Variants in SRSF11 observed in about 807,000 individuals in gnomAD.
The protein encoded by SRSF11 is serine/arginine-rich splicing factor 11.
In SRSF11, 9 loss-of-function variants were observed where a neutral mutation model predicts 56.0. That is an observed-to-expected ratio of 0.16 (90% CI 0.10 to 0.28). SRSF11 has a LOEUF of 0.28. SRSF11 is among the 10% of genes least tolerant of loss of function. SRSF11 has a pLI of 1.00. For synonymous variants in SRSF11, 222 were observed against 215.3 expected (o/e 1.03, Z -0.27); for missense variants, 421 against 600.7 (o/e 0.70, Z 3.13).
chr1:70,212,296 G>A (rs563717518), intron 1 of SRSF11, among the ~76,000 whole-genome samples: 24 of 151,766 alleles, frequency 1.6e-4, no homozygotes, highest in South Asian at 8.4e-4. Context: ...TCACTCTGTC[G>A]CCCAGGCTGG....
chr1:70,213,365 A>C (rs1669738907), intron 1 of SRSF11, among the ~76,000 whole-genome samples: 1 of 152,260 alleles, frequency 6.6e-6, no homozygotes, highest in South Asian at 2.1e-4. Context: ...AATATTTAGC[A>C]TTAAACTTAT....
At chr1:70,234,591 T>C in intron 3 of SRSF11, 105 bp from the exon 4 acceptor site, 7 of 853,782 alleles carry the variant, frequency 8.2e-6, no homozygotes, top group Non-Finnish European at 1.3e-5. Context: ...CCATGTAGCC[T>C]GAAAACTCAA....
At chr1:70,231,733 C>T in intron 2 of SRSF11, 1 of 1,226,260 alleles carries the variant, frequency 8.2e-7, no homozygotes, top group South Asian at 1.5e-5. Context: ...ATACTTTCTT[C>T]TCTTAATTTT....
At chr1:70,234,846 A>G in intron 4 of SRSF11, 58 bp downstream of exon 4, 3 of 1,410,514 alleles carry the variant, frequency 2.1e-6, no homozygotes, top group Non-Finnish European at 1.9e-6. Flanking sequence ...TGTTTCATTA[A>G]CTGTTGGTTT....
intron 1 of SRSF11, among the ~76,000 whole-genome samples, chr1:70,226,475 G>C (rs1363186988): frequency 1.3e-5 from 2 of 152,090 alleles, no homozygotes; most frequent in African/African-American, 2.4e-5. Flanking sequence ...AATACAATTT[G>C]AGCACGGGGG....
intron 2 of SRSF11, chr1:70,232,040 G>T: frequency 6.6e-7 from 1 of 1,521,836 alleles, no homozygotes; most frequent in Non-Finnish European, 8.8e-7. Context: ...TTTTACTCTA[G>T]AAACTTAACC....
chr1:70,215,381 A>C (rs1669919145), intron 1 of SRSF11, among the ~76,000 whole-genome samples: 1 of 152,214 alleles, frequency 6.6e-6, no homozygotes, highest in South Asian at 2.1e-4. Flanking sequence ...TGCTGCATGC[A>C]TTCCCTTAGT....
chr1:70,230,323 T>G (rs1490875930), intron 2 of SRSF11: 1 of 1,043,924 alleles, frequency 9.6e-7, no homozygotes, highest in Non-Finnish European at 1.2e-6. Flanking sequence ...TTACCTCCAG[T>G]AAATACAATT....
chr1:70,229,084 A>G (rs1672404889), intron 2 of SRSF11: 2 of 1,124,480 alleles, frequency 1.8e-6, no homozygotes, highest in Non-Finnish European at 2.2e-6. Context: ...CCTGTAGCTT[A>G]GGTGCCAAAT....
At chr1:70,230,900 T>C (rs1672738634) in intron 2 of SRSF11, 1 of 1,191,112 alleles carries the variant, frequency 8.4e-7, no homozygotes, top group East Asian at 5.8e-5. Flanking sequence ...ATTACTGCCC[T>C]ATATCTAAAT....
At chr1:70,230,928 C>G in intron 2 of SRSF11, 3 of 1,195,854 alleles carry the variant, frequency 2.5e-6, no homozygotes, top group Non-Finnish European at 3.2e-6. Context: ...TCCCCCTTCC[C>G]CTCCATAACT....
chr1:70,216,381 A>T (rs564943461), upstream of SRSF11, among the ~76,000 whole-genome samples: 1 of 152,134 alleles, frequency 6.6e-6, no homozygotes, highest in African/African-American at 2.4e-5. Flanking sequence ...CCTATCAGAA[A>T]TCATGCACTT....
At chr1:70,238,232 A>G (rs748505421) in intron 6 of SRSF11, among the ~76,000 whole-genome samples, 2 of 152,220 alleles carry the variant, frequency 1.3e-5, no homozygotes, top group Non-Finnish European at 2.9e-5. Context: ...ATAATTAGCC[A>G]CAGTTACATG....
intron 1 of SRSF11, among the ~76,000 whole-genome samples, chr1:70,224,966 G>GT (rs1453588855): frequency 1.3e-5 from 2 of 152,192 alleles, no homozygotes; most frequent in Admixed American, 1.3e-4. Context: ...TGTTTTACAA[G>GT]TTCGTGAACT....
chr1:70,237,605 G>GCT, intron 6 of SRSF11, 53 bp downstream of exon 6: 1 of 1,597,872 alleles, frequency 6.3e-7, no homozygotes, highest in African/African-American at 1.3e-5. Context: ...AAATGATTTT[G>GCT]ACATAAATGT....
Position 70,236,517 on chromosome 1 carries a change from A to C in SRSF11, c.591-908A>C, listed in dbSNP as rs1010265773. Among the ~76,000 whole-genome samples the C allele has an allele frequency of 1.2e-4, 19 of 152,024 alleles. No homozygotes were observed. The East Asian group carries it at 3.3e-3, about 26-fold the overall frequency. On this transcript the variant is annotated intron_variant, in intron 5 of 11. Transcript: ENST00000370949. ...GGCTAATTTTTTGTACTTTTAGTAG[A>C]GACGGGGTTTCACCGTGTTAGCCAG... is the stretch of plus-strand genomic sequence containing the variant.
At chr1:70,231,118 A>G in intron 2 of SRSF11, 3 of 1,289,704 alleles carry the variant, frequency 2.3e-6, no homozygotes, top group Non-Finnish European at 3.0e-6. Context: ...TTCAGCCTGA[A>G]CTATATACCA....
intron 2 of SRSF11, 73 bp from the exon 3 acceptor site, chr1:70,232,195 A>G: frequency 6.2e-7 from 1 of 1,610,560 alleles, no homozygotes; most frequent in Non-Finnish European, 8.5e-7. Flanking sequence ...TCAGGGAGAC[A>G]TTTTCTGGGT....
At chr1:70,242,165 T>TAAA (rs369129508) in intron 7 of SRSF11, among the ~76,000 whole-genome samples, 14 of 135,960 alleles carry the variant, frequency 1.0e-4, no homozygotes, top group African/African-American at 2.4e-4. Flanking sequence ...GACTCCGTCT[T>TAAA]AAAAAAAAAA....
Sources: allele counts gnomAD v4.1 joint callset (sites outside exome capture counted in the v4.1 genomes callset), GRCh38; gene constraint gnomAD v4.1.1; transcripts MANE v1.5; gene names NCBI Gene and HGNC (gene_info 2026-07-23, HGNC 2026-07-21).